Variants in BANF2 observed in about 807,000 individuals in gnomAD.
BANF2 encodes the protein BANF family member 2.
A neutral mutation model predicts 8.0 loss-of-function variants in BANF2; 4 were observed. The ratio of observed to expected loss-of-function variants is 0.50; its 90% CI spans 0.25 to 1.14. The LOEUF is 1.14. BANF2 is among the 50% of genes most tolerant of loss of function. The pLI, the probability that BANF2 is intolerant of heterozygous loss-of-function variation, is 0.16. For synonymous variants in BANF2, 50 were observed against 40.6 expected (o/e 1.23, Z -0.88); for missense variants, 96 against 107.5 (o/e 0.89, Z 0.47).
upstream of BANF2, among the ~76,000 whole-genome samples, chr20:17,697,425 A>C (rs895572034): frequency 6.6e-6 from 1 of 152,196 alleles, no homozygotes; most frequent in South Asian, 2.1e-4. Context: ...ATGATACTCC[A>C]AAGGCCAACC....
At chr20:17,721,400 T>G (rs2122623997) in intron 1 of BANF2, among the ~76,000 whole-genome samples, 1 of 149,488 alleles carries the variant, frequency 6.7e-6, no homozygotes, top group African/African-American at 2.4e-5. Context: ...CTTTCTTTCT[T>G]TTTTTTTTTA....
At chr20:17,701,534 C>A (rs563014102) in intron 1 of BANF2, among the ~76,000 whole-genome samples, 1 of 152,172 alleles carries the variant, frequency 6.6e-6, no homozygotes, top group African/African-American at 2.4e-5. Flanking sequence ...GTGCAGGCCA[C>A]GGCTCTTCCA....
At chr20:17,721,010 T>C (rs1340031326) in intron 1 of BANF2, among the ~76,000 whole-genome samples, 3 of 152,200 alleles carry the variant, frequency 2.0e-5, no homozygotes, top group East Asian at 3.9e-4. Context: ...GTGCACTCAC[T>C]CAACTTTGAG....
At position 17,727,664 on chromosome 20, in the gene BANF2, C is replaced by T. The variant is rs79937961; in HGVS notation, c.126+2513C>T. Among the ~76,000 whole-genome samples, 1,094 of 151,854 alleles carry T rather than the reference C, an allele frequency of 7.2e-3. 14 individuals carry two copies. The highest frequency in any genetic ancestry group is 0.025 in the African/African-American group (1,046 of 41,406). ...GGGCCAGCAATGACAGCATCCTGGG[C>T]GGGCAGATCCTGGCAGGACAGGGTT... On this transcript the variant is annotated intron_variant, in intron 3 of 3. Coordinates refer to ENST00000246090, the MANE Select transcript of BANF2 (RefSeq NM_178477.5).
chr20:17,705,870 G>A (rs2037474979), intron 1 of BANF2, among the ~76,000 whole-genome samples: 1 of 152,226 alleles, frequency 6.6e-6, no homozygotes, highest in Non-Finnish European at 1.5e-5. Context: ...TTGTGTTCCT[G>A]CTGTCTGGAG....
In BANF2 at chr20:17,735,194, G is replaced by C. The variant is rs150257273; in HGVS notation, c.127-471G>C. Among the ~76,000 whole-genome samples, 952 of 152,308 alleles carry C rather than the reference G, an allele frequency of 6.3e-3. 10 individuals are homozygous for C. Among genetic ancestry groups the C allele is most frequent in the African/African-American group, 0.022 (897 of 41,558 alleles). On this transcript the variant is annotated intron_variant, in intron 3 of 3. Transcript: ENST00000246090. ...GTGGGGCGGGAATGTCTCTTACTCT[G>C]TCTGGGTTATGTGTGTGTTTCCAAG...
chr20:17,719,649 G>A (rs2037701671), intron 1 of BANF2, among the ~76,000 whole-genome samples: 1 of 150,916 alleles, frequency 6.6e-6, no homozygotes, highest in South Asian at 2.1e-4. Context: ...GGAATTCCAG[G>A]TATAATTTCC....
At position 17,725,052 on chromosome 20, in the gene BANF2, A is replaced by G. The variant is rs763606316; in HGVS notation, c.27A>G (p.Arg9=). MDNMSPRL[R]AFLSEPIGEK... is the part of the protein sequence containing the mutation. Reference sequence around the variant, plus strand: ...TGGACAACATGTCTCCCAGGCTGAGAGCCTTCCTCTCCGAACCCATTGGAG... The same window carrying G: ...TGGACAACATGTCTCCCAGGCTGAGGGCCTTCCTCTCCGAACCCATTGGAG... The change falls in exon 3 of 4, where the codon AGA becomes AGG. Residue 9 remains arginine, a synonymous_variant. Transcript: ENST00000246090. The G allele has an allele frequency of 5.0e-6, 8 of 1,607,768 alleles. No individual in the cohort carries two copies. Among genetic ancestry groups the G allele is most frequent in the East Asian group, 4.5e-5 (2 of 44,828 alleles).
upstream of BANF2, among the ~76,000 whole-genome samples, chr20:17,699,517 A>G (rs2037379898): frequency 6.6e-6 from 1 of 152,130 alleles, no homozygotes; most frequent in African/African-American, 2.4e-5. Flanking sequence ...CAGTAGGGGG[A>G]AAGTCACGGG....
chr20:17,730,877 AAAATTCACATT>A (rs2037884758), intron 3 of BANF2, among the ~76,000 whole-genome samples: 2 of 152,256 alleles, frequency 1.3e-5, no homozygotes, highest in South Asian at 4.1e-4. Flanking sequence ...TTGCCAGATC[AAAATTCACATT>A]TCAGATAAGC....
intron 3 of BANF2, among the ~76,000 whole-genome samples, chr20:17,730,197 A>G (rs541723581): frequency 5.3e-5 from 8 of 152,334 alleles, no homozygotes; most frequent in African/African-American, 1.9e-4. Context: ...GTAAAAAACA[A>G]TCCTACAAAG....
At chr20:17,699,199 C>T (rs1445937209), upstream of BANF2, among the ~76,000 whole-genome samples, 1 of 152,206 alleles carries the variant, frequency 6.6e-6, no homozygotes. Context: ...GCCGTTTGCT[C>T]TTGGTTAGAA....
At chr20:17,709,981 A>G (rs1362654361) in intron 1 of BANF2, among the ~76,000 whole-genome samples, 1 of 152,210 alleles carries the variant, frequency 6.6e-6, no homozygotes, top group East Asian at 1.9e-4. Flanking sequence ...GGGAGTGAGG[A>G]TGTGAGACCG....
chr20:17,705,492 G>A (rs1399453107), intron 1 of BANF2, among the ~76,000 whole-genome samples: 1 of 152,170 alleles, frequency 6.6e-6, no homozygotes, highest in Non-Finnish European at 1.5e-5. Flanking sequence ...ACAGAACACT[G>A]GTTCAAGGGA....
chr20:17,709,594 C>A (rs7264433), intron 1 of BANF2, among the ~76,000 whole-genome samples: 29,677 of 151,926 alleles, frequency 0.2, 3,248 homozygotes, highest in East Asian at 0.43. Flanking sequence ...TATATGTGCA[C>A]CCAAGCAGAG....
At chr20:17,726,024 A>G (rs1049194167) in intron 3 of BANF2, among the ~76,000 whole-genome samples, 2 of 152,214 alleles carry the variant, frequency 1.3e-5, no homozygotes, top group African/African-American at 4.8e-5. Context: ...TACTCAGAAT[A>G]ACACCCCAAT....
chr20:17,721,000 G>A (rs2037719664), intron 1 of BANF2, among the ~76,000 whole-genome samples: 2 of 152,154 alleles, frequency 1.3e-5, no homozygotes, highest in Admixed American at 6.5e-5. Flanking sequence ...CAGGTGGTTC[G>A]TGCACTCACT....
chr20:17,698,041 C>A (rs1202044449), upstream of BANF2, among the ~76,000 whole-genome samples: 2 of 151,990 alleles, frequency 1.3e-5, no homozygotes, highest in Non-Finnish European at 2.9e-5. Context: ...CCCATCTCTA[C>A]TAAAAATACA....
chr20:17,731,385 G>C (rs965375184), intron 3 of BANF2: 1 of 152,204 alleles, frequency 6.6e-6, no homozygotes, highest in African/African-American at 2.4e-5. Flanking sequence ...GTCTGGTGGT[G>C]ATTGAAGTCC....
Sources: allele counts gnomAD v4.1 joint callset (sites outside exome capture counted in the v4.1 genomes callset), GRCh38; gene constraint gnomAD v4.1.1; transcripts MANE v1.5; gene names NCBI Gene and HGNC (gene_info 2026-07-23, HGNC 2026-07-21).